The following ARNT2 variants were observed in gnomAD, a reference collection of about 807,000 sequenced individuals.
ARNT2 encodes the protein aryl hydrocarbon receptor nuclear translocator 2, also known as ARNT protein 2.
A neutral mutation model predicts 91.7 loss-of-function variants in ARNT2; 36 were observed. The observed-to-expected ratio is 0.39, with a 90% confidence interval of 0.30 to 0.52. ARNT2 has a LOEUF of 0.52. ARNT2 is among the 20% of genes least tolerant of loss of function. The pLI is 0.72. For missense variants in ARNT2, 775 were observed against 939.3 expected (o/e 0.83, Z 2.29); for synonymous variants, 365 against 347.1 (o/e 1.05, Z -0.57).
At chr15:80,417,590 TTCTC>T (rs1166121046) in intron 1 of ARNT2, among the ~76,000 whole-genome samples, 3 of 147,990 alleles carry the variant, frequency 2.0e-5, no homozygotes, top group Non-Finnish European at 3.0e-5. Flanking sequence ...TCCTCCCTCT[TTCTC>T]TCTCTCTCTT....
chr15:80,421,770 G>C (rs1422313656), intron 1 of ARNT2, among the ~76,000 whole-genome samples: 1 of 152,164 alleles, frequency 6.6e-6, no homozygotes, highest in Non-Finnish European at 1.5e-5. Context: ...GCCTTATGCA[G>C]CTCAGGAAAA....
rs977318697 is a variant in ARNT2, at chr15:80,597,609, C to T, written c.*3911C>T. 5.8e-6 allele frequency: 1 copy of T among 171,234 alleles called. No homozygotes were observed. Among genetic ancestry groups the T allele is most frequent in the African/African-American group, 2.4e-5 (1 of 42,090 alleles). 10.6% of individuals were successfully genotyped at this position (171,234 alleles called of 1,614,324 possible). ...GTTATGGTCAACAACAGGCCAGGGT[C>T]TGTGGGGCACTGACCTTGAAAGTGG... is the stretch of plus-strand genomic sequence containing the variant. On this transcript the variant is annotated 3_prime_UTR_variant, in exon 19 of 19. Coordinates refer to ENST00000303329, the MANE Select transcript of ARNT2 (RefSeq NM_014862.4).
At chr15:80,525,547 G>A (rs532628305) in intron 8 of ARNT2, among the ~76,000 whole-genome samples, 56 of 151,834 alleles carry the variant, frequency 3.7e-4, no homozygotes, top group Admixed American at 6.6e-4. Context: ...GGAAGGGGAG[G>A]ATGGAAGGAG....
At chr15:80,561,210 T>G (rs1051403551) in intron 11 of ARNT2, among the ~76,000 whole-genome samples, 3 of 152,024 alleles carry the variant, frequency 2.0e-5, no homozygotes, top group African/African-American at 7.2e-5. Flanking sequence ...GAGTCAGACC[T>G]TCCCTGATCA....
chr15:80,562,296 A>G (rs35525613), intron 11 of ARNT2, among the ~76,000 whole-genome samples: 39,589 of 152,004 alleles, frequency 0.26, 6,080 homozygotes, highest in East Asian at 0.4. Context: ...CATATTTTCA[A>G]TAGAACAAAG....
At chr15:80,430,634 C>T (rs1895994890) in intron 1 of ARNT2, among the ~76,000 whole-genome samples, 1 of 152,222 alleles carries the variant, frequency 6.6e-6, no homozygotes, top group Non-Finnish European at 1.5e-5. Context: ...TCTCCTGTCT[C>T]TGAAGGGCTG....
intron 8 of ARNT2, among the ~76,000 whole-genome samples, chr15:80,549,606 C>T (rs760491485): frequency 4.6e-5 from 7 of 152,126 alleles, no homozygotes; most frequent in Non-Finnish European, 7.4e-5. Context: ...AAGTAATGTT[C>T]AAACTCACTC....
chr15:80,481,249 G>A (rs1896882644), intron 5 of ARNT2, among the ~76,000 whole-genome samples: 1 of 152,224 alleles, frequency 6.6e-6, no homozygotes, highest in Non-Finnish European at 1.5e-5. Flanking sequence ...CACGAGAACA[G>A]CTCACCGGGG....
intron 3 of ARNT2, among the ~76,000 whole-genome samples, chr15:80,463,575 CTTTT>C (rs11358638): frequency 8.8e-6 from 1 of 113,184 alleles, no homozygotes; most frequent in Middle Eastern, 4.4e-3. Flanking sequence ...GGGTGATTTC[CTTTT>C]TTTTTTTTTT....
At chr15:80,563,658 G>A (rs1898414384) in intron 12 of ARNT2, among the ~76,000 whole-genome samples, 1 of 152,130 alleles carries the variant, frequency 6.6e-6, no homozygotes, top group Non-Finnish European at 1.5e-5. Flanking sequence ...TGAGCCTCTT[G>A]GCAGCTCTAG....
At chr15:80,470,463 CG>C (rs747611441) in intron 4 of ARNT2, 32 bp downstream of exon 4, 120 of 1,602,364 alleles carry the variant, frequency 7.5e-5, no homozygotes, top group Non-Finnish European at 9.6e-5. Context: ...CATTGGAAAG[CG>C]GGGGGAATCC....
intron 14 of ARNT2, among the ~76,000 whole-genome samples, chr15:80,576,282 A>AT (rs71153540): frequency 0.17 from 25,012 of 149,818 alleles, 2,272 homozygotes; most frequent in South Asian, 0.21. Flanking sequence ...ACTCTCATTA[A>AT]TTTTTTTTTT....
intron 12 of ARNT2, among the ~76,000 whole-genome samples, chr15:80,564,852 G>C (rs572037755): frequency 2.6e-5 from 4 of 152,148 alleles, no homozygotes; most frequent in African/African-American, 9.6e-5. Flanking sequence ...TTGCTGCAAA[G>C]GACGTGGTTT....
intron 1 of ARNT2, among the ~76,000 whole-genome samples, chr15:80,434,947 T>A (rs1179601281): frequency 6.6e-6 from 1 of 152,066 alleles, no homozygotes; most frequent in Non-Finnish European, 1.5e-5. Flanking sequence ...TGAGGCCACC[T>A]TCTCCTTTTA....
At chr15:80,552,910 G>A in intron 10 of ARNT2, 136 bp downstream of exon 10, 5 of 1,085,938 alleles carry the variant, frequency 4.6e-6, no homozygotes, top group Non-Finnish European at 6.4e-6. Context: ...TGCCTAGATA[G>A]AACGATAGAT....
At chr15:80,466,401 G>C (rs928039272) in intron 3 of ARNT2, among the ~76,000 whole-genome samples, 2 of 152,200 alleles carry the variant, frequency 1.3e-5, no homozygotes, top group African/African-American at 4.8e-5. Flanking sequence ...AGCTCTACCT[G>C]TGTCCCCAAC....
At chr15:80,459,448 C>T (rs1896522618) in intron 3 of ARNT2, among the ~76,000 whole-genome samples, 1 of 152,152 alleles carries the variant, frequency 6.6e-6, no homozygotes, top group East Asian at 1.9e-4. Context: ...TACACAGCCT[C>T]CCTCTATGAA....
rs1896181446 is a variant in ARNT2, at chr15:80,441,151, G to C, written c.32-9729G>C. 16 of 938,840 alleles carry C rather than the reference G, an allele frequency of 1.7e-5. No individual in the cohort carries two copies. In the South Asian group the frequency reaches 6.4e-4, roughly 38 times the overall value. 58.2% of individuals were successfully genotyped at this position (938,840 alleles called of 1,614,324 possible). A position where few individuals can be genotyped will look rare whatever the true frequency, so the allele number is the denominator to read the frequency against. ...TTCAGAACCTAAGCAGTTAATGCTAGAAATTTTGCTGCAAATAAATTGATC... is the reference window on the plus strand; with the variant it reads ...TTCAGAACCTAAGCAGTTAATGCTACAAATTTTGCTGCAAATAAATTGATC... On this transcript the variant is annotated intron_variant, in intron 1 of 18. Transcript: ENST00000303329.
rs182608036 is a variant in ARNT2 at position 80,560,920 on chromosome 15, C to T, written c.1165-2168C>T. On this transcript the variant is annotated intron_variant, in intron 11 of 18. Coordinates refer to ENST00000303329, the MANE Select transcript of ARNT2 (RefSeq NM_014862.4). ...TATTTATCACTCAGGGATTTCCCAC[C>T]AGGGAGCCTTATCTGACATCCGCAG... 3.9e-5 allele frequency among the ~76,000 whole-genome samples: 6 copies of T among 152,340 alleles called. No individual in the cohort carries two copies. In the East Asian group the frequency reaches 1.2e-3, roughly 29 times the overall value.
Sources: gnomAD v4.1 joint callset for allele counts (sites outside exome capture counted in the v4.1 genomes callset) on GRCh38, gnomAD v4.1.1 for gene constraint, MANE v1.5 for transcripts, NCBI Gene and HGNC (gene_info 2026-07-23, HGNC 2026-07-21) for gene names.